The following PLCL2 variants were observed in gnomAD, a reference collection of about 807,000 sequenced individuals.
PLCL2 encodes phospholipase C like 2.
A neutral mutation model predicts 79.6 loss-of-function variants in PLCL2; 4 were observed. That is an observed-to-expected ratio of 0.05 (90% CI 0.02 to 0.11). PLCL2 has a LOEUF of 0.11. Ranked by LOEUF, PLCL2 falls within the 10% of genes least tolerant of loss-of-function variation. The pLI is 1.00. For missense variants in PLCL2, 895 were observed against 1,291.0 expected (o/e 0.69, Z 4.70); for synonymous variants, 484 against 457.7 (o/e 1.06, Z -0.73).
intron 3 of PLCL2, among the ~76,000 whole-genome samples, chr3:17,015,432 C>T (rs1336355296): frequency 6.6e-6 from 1 of 152,164 alleles, no homozygotes; most frequent in South Asian, 2.1e-4. Context: ...ATGGGGTATC[C>T]TCAGGACACC....
intron 1 of PLCL2, among the ~76,000 whole-genome samples, chr3:16,946,640 C>T (rs1223099881): frequency 1.3e-5 from 2 of 152,094 alleles, no homozygotes; most frequent in African/African-American, 2.4e-5. Context: ...TGGAATGCAA[C>T]TTAATGGTTG....
At chr3:17,049,512 CAGT>C (rs1190874985) in intron 4 of PLCL2, among the ~76,000 whole-genome samples, 1 of 152,084 alleles carries the variant, frequency 6.6e-6, no homozygotes, top group African/African-American at 2.4e-5. Context: ...ATGCAAAAAT[CAGT>C]AGCATTTCTA....
chr3:16,890,556 A>G (rs1175803275), intron 1 of PLCL2, among the ~76,000 whole-genome samples: 1 of 152,212 alleles, frequency 6.6e-6, no homozygotes, highest in Admixed American at 6.5e-5. Flanking sequence ...CAGACTTTAT[A>G]CTTATGTGTT....
chr3:17,089,175 C>G (rs1249840879), intron 5 of PLCL2, among the ~76,000 whole-genome samples: 1 of 152,106 alleles, frequency 6.6e-6, no homozygotes, highest in South Asian at 2.1e-4. Context: ...TTGGTTGCCA[C>G]GGTGGTTACG....
intron 1 of PLCL2, among the ~76,000 whole-genome samples, chr3:16,902,563 A>G (rs950996934): frequency 1.3e-5 from 2 of 152,190 alleles, no homozygotes; most frequent in African/African-American, 2.4e-5. Flanking sequence ...ACGGTGGCTC[A>G]TGCCTGTAAT....
chr3:17,042,474 A>G (rs558125922), intron 3 of PLCL2, among the ~76,000 whole-genome samples: 3 of 152,320 alleles, frequency 2.0e-5, no homozygotes, highest in Non-Finnish European at 4.4e-5. Context: ...AAATGAGTGA[A>G]GTGTGTAGGT....
intron 1 of PLCL2, among the ~76,000 whole-genome samples, chr3:16,995,746 G>T (rs2064147225): frequency 6.6e-6 from 1 of 152,064 alleles, no homozygotes; most frequent in East Asian, 1.9e-4. Context: ...TGATGTATTA[G>T]ACAACTCTAT....
chr3:17,076,038 T>C (rs2124949791), intron 5 of PLCL2, among the ~76,000 whole-genome samples: 1 of 152,208 alleles, frequency 6.6e-6, no homozygotes, highest in South Asian at 2.1e-4. Context: ...TAAATATGAG[T>C]GGGATTGCTG....
chr3:17,031,693 C>A lies in PLCL2; in HGVS notation c.3019-11181C>A, dbSNP rs144226379. On this transcript the variant is annotated intron_variant, in intron 3 of 5. Transcript: ENST00000615277. ...CATGTACAAAATGATGTATAGCATACCAAGTTCTCCCCTAACAAGACTTCT... is the reference window on the plus strand; with the variant it reads ...CATGTACAAAATGATGTATAGCATAACAAGTTCTCCCCTAACAAGACTTCT... 5.3e-4 allele frequency among the ~76,000 whole-genome samples: 81 copies of A among 152,166 alleles called. 2 individuals are homozygous for A. The East Asian group carries it at 0.013, about 24-fold the overall frequency.
chr3:16,956,278 T>G (rs200879190), intron 1 of PLCL2, among the ~76,000 whole-genome samples: 17,042 of 152,252 alleles, frequency 0.11, 1,559 homozygotes, highest in East Asian at 0.49. Context: ...CTGCATCTAT[T>G]GAGATAATCA....
At chr3:17,035,962 A>G (rs989608838) in intron 3 of PLCL2, among the ~76,000 whole-genome samples, 4 of 152,054 alleles carry the variant, frequency 2.6e-5, no homozygotes, top group Admixed American at 1.3e-4. Context: ...TTTCTTTTAT[A>G]TAGGGTTTTT....
At chr3:16,964,427 G>A (rs1019388876) in intron 1 of PLCL2, among the ~76,000 whole-genome samples, 26 of 152,040 alleles carry the variant, frequency 1.7e-4, no homozygotes, top group South Asian at 2.1e-4. Context: ...TCATTGATGG[G>A]CATTTGGGTT....
rs2064365740 is a variant in PLCL2 at position 17,014,762 on chromosome 3, A to T, written c.2869A>T (p.Met957Leu). 6 of 1,613,650 alleles carry T rather than the reference A, an allele frequency of 3.7e-6. No individual in the cohort carries two copies. In the East Asian group the frequency reaches 1.3e-4, roughly 36 times the overall value. The change falls in exon 3 of 6, where the codon ATG becomes TTG. Residue 957 changes from methionine (M) to leucine (L), a missense_variant. This residue lies in a region of PLCL2 where 298 missense variants were observed against 459.6 expected (regional missense o/e 0.65). Coordinates refer to ENST00000615277, the MANE Select transcript of PLCL2 (RefSeq NM_001144382.2). The stretch of plus-strand genomic sequence containing the variant: ...TGGCCTCTCCTCTGTGGCCAATCTC[A>T]TGCAGTGCATGTTGGCGGTGTCTCC... The part of the protein sequence containing the change: ...LCGLSSVANL[M>L]QCMLAVSPRF...
intron 1 of PLCL2, among the ~76,000 whole-genome samples, chr3:16,992,367 T>G (rs935454160): frequency 1.3e-5 from 2 of 152,184 alleles, no homozygotes; most frequent in African/African-American, 4.8e-5. Context: ...AACATCCGCC[T>G]TCTACCACTG....
chr3:16,986,202 C>A, intron 1 of PLCL2, among the ~76,000 whole-genome samples: 1 of 152,192 alleles, frequency 6.6e-6, no homozygotes, highest in East Asian at 1.9e-4. Context: ...TTCTTAGCCT[C>A]CCTGAGTATT....
In PLCL2 at chr3:16,912,825, C is replaced by T. The variant is rs180683444; in HGVS notation, c.327+27459C>T. 3.9e-5 allele frequency among the ~76,000 whole-genome samples: 6 copies of T among 152,254 alleles called. No individual in the cohort carries two copies. The East Asian group carries it at 9.7e-4, about 24-fold the overall frequency. On this transcript the variant is annotated intron_variant, in intron 1 of 5. Coordinates refer to ENST00000615277, the MANE Select transcript of PLCL2 (RefSeq NM_001144382.2). ...AACCAAACCAGCCAATGGAACAAAACGCTTTTTGAGACATTGGTGTTGGAA... is the reference window on the plus strand; with the variant it reads ...AACCAAACCAGCCAATGGAACAAAATGCTTTTTGAGACATTGGTGTTGGAA...
At position 17,014,908 on chromosome 3, in the gene PLCL2, C is replaced by G; in HGVS notation, c.3015C>G (p.Asp1005Glu). ...TGAAGAAGATCGTAACAACTTATGA[C>G]ATGGTGAGTTGTCCTTTGTCCGTTT... ...EVLKKIVTTY[D>E]MMIQSLKALI... is the part of the protein sequence containing the mutation. The change falls in exon 3 of 6, where the codon GAC (aspartate) becomes GAG (glutamate). Residue 1005 changes from aspartate (D) to glutamate (E), a missense_variant. Asp to Glu is a conservative substitution (Grantham distance 45, BLOSUM62 2). This residue lies in a region of PLCL2 where 298 missense variants were observed against 459.6 expected (regional missense o/e 0.65). Transcript: ENST00000615277. 6.2e-7 allele frequency: 1 copy of G among 1,611,100 alleles called. No homozygotes were observed. The highest frequency in any genetic ancestry group is 8.5e-7 in the Non-Finnish European group (1 of 1,177,426).
intron 5 of PLCL2, among the ~76,000 whole-genome samples, chr3:17,074,378 G>A (rs1384376157): frequency 9.2e-5 from 14 of 152,148 alleles, no homozygotes; most frequent in Admixed American, 7.9e-4. Context: ...AAACACGTAT[G>A]TTCTCATCTA....
intron 1 of PLCL2, among the ~76,000 whole-genome samples, chr3:16,982,017 A>G (rs1323990636): frequency 6.6e-6 from 1 of 152,202 alleles, no homozygotes; most frequent in Non-Finnish European, 1.5e-5. Context: ...GGCTGGGTAC[A>G]TATTTCTAAA....
Sources: allele counts gnomAD v4.1 joint callset (sites outside exome capture counted in the v4.1 genomes callset), GRCh38; gene constraint gnomAD v4.1.1; regional missense constraint gnomAD v4.1.1; transcripts MANE v1.5; gene names NCBI Gene and HGNC (gene_info 2026-07-23, HGNC 2026-07-21).